The following MEMO1 variants were observed in gnomAD, a reference collection of about 807,000 sequenced individuals.
MEMO1 encodes the protein mediator of cell motility 1, also known as protein MEMO1.
Under a neutral mutation model 45.2 loss-of-function variants are expected in MEMO1, and 6 were observed. The observed-to-expected ratio is 0.13, with a 90% confidence interval of 0.07 to 0.26. The LOEUF (loss-of-function observed/expected upper bound fraction) is 0.26. MEMO1 is among the 10% of genes least tolerant of loss of function. The pLI is 1.00. For synonymous variants in MEMO1, 78 were observed against 124.3 expected, an observed-to-expected ratio of 0.63 and a Z score of 2.48; for missense variants, 184 against 370.5, an observed-to-expected ratio of 0.50 and a Z score of 4.13.
chr2:31,962,847 T>C (rs915374354), intron 2 of MEMO1, among the ~76,000 whole-genome samples: 3 of 152,190 alleles, frequency 2.0e-5, no homozygotes, highest in Non-Finnish European at 4.4e-5. Context: ...TTTTTCTGGA[T>C]GTATCTGTGA....
intron 2 of MEMO1, among the ~76,000 whole-genome samples, chr2:31,959,499 C>T (rs34372320): frequency 0.15 from 21,875 of 149,142 alleles, 1,659 homozygotes; most frequent in Middle Eastern, 0.21. Flanking sequence ...ACAATGAGAA[C>T]TGAAAAAAAA....
chr2:31,892,241 T>C (rs1677082753), intron 6 of MEMO1, 107 bp from the exon 7 acceptor site: 1 of 900,520 alleles, frequency 1.1e-6, no homozygotes. Context: ...GTGGTAAGGA[T>C]AACATATGTA....
rs544157214 is a variant in MEMO1, at chr2:31,942,709, A to G, written c.143+593T>C. Among the ~76,000 whole-genome samples the G allele has an allele frequency of 1.8e-3, 274 of 152,114 alleles. 1 individual carries two copies. The highest frequency in any genetic ancestry group is 6.0e-3 in the African/African-American group (247 of 41,512). On this transcript the variant is annotated intron_variant, in intron 3 of 9. Transcript: ENST00000404530. ...GCTAATTTTTGTATTTTTAGTAGAG[A>G]TGGAGTCTCACCATGTTGCCCAGGC... is the stretch of plus-strand genomic sequence containing the variant.
At chr2:31,924,432 G>A (rs1284987664) in intron 4 of MEMO1, among the ~76,000 whole-genome samples, 4 of 150,580 alleles carry the variant, frequency 2.7e-5, no homozygotes, top group Non-Finnish European at 4.4e-5. Flanking sequence ...GCACATCATC[G>A]GTGATACACA....
chr2:31,951,540 T>C (rs1666851025), intron 2 of MEMO1, among the ~76,000 whole-genome samples: 1 of 151,986 alleles, frequency 6.6e-6, no homozygotes, highest in Admixed American at 6.6e-5. Context: ...TTTATCTTTT[T>C]ATTTTTTATT....
Position 31,956,936 on chromosome 2 carries a change from G to C in MEMO1, c.62-13553C>G, listed in dbSNP as rs571682963. On this transcript the variant is annotated intron_variant, in intron 2 of 9. Transcript: ENST00000404530. Reference sequence around the variant, plus strand: ...AGGCAGGCAGATCACAAGGTCAGGAGATGGAGACCATCCTGGCCAACATGG... The same window carrying C: ...AGGCAGGCAGATCACAAGGTCAGGACATGGAGACCATCCTGGCCAACATGG... Among the ~76,000 whole-genome samples the C allele has an allele frequency of 2.0e-5, 3 of 152,256 alleles. No individual in the cohort carries two copies. The East Asian group carries it at 5.8e-4, about 29-fold the overall frequency.
intron 2 of MEMO1, among the ~76,000 whole-genome samples, chr2:31,996,550 A>G (rs1672645422): frequency 6.6e-6 from 1 of 152,208 alleles, no homozygotes. Flanking sequence ...TCTCAAAAAA[A>G]AAGGAAACTA....
intron 2 of MEMO1, among the ~76,000 whole-genome samples, chr2:31,960,271 A>G (rs1479100170): frequency 3.9e-5 from 6 of 152,186 alleles, no homozygotes. Flanking sequence ...TCCTGGAGCT[A>G]GCACTACAGT....
chr2:31,979,226 A>AC, intron 2 of MEMO1, among the ~76,000 whole-genome samples: 1 of 152,136 alleles, frequency 6.6e-6, no homozygotes, highest in Non-Finnish European at 1.5e-5. Context: ...AGGAAACCAG[A>AC]CCCATGATCC....
chr2:31,987,818 TG>T (rs1006926072), intron 2 of MEMO1, among the ~76,000 whole-genome samples: 3 of 152,084 alleles, frequency 2.0e-5, no homozygotes, highest in Non-Finnish European at 4.4e-5. Context: ...CCTTAGTGTA[TG>T]GTAAAAAAAG....
At chr2:31,911,226 C>T (rs1408746876) in intron 6 of MEMO1, among the ~76,000 whole-genome samples, 1 of 152,142 alleles carries the variant, frequency 6.6e-6, no homozygotes, top group African/African-American at 2.4e-5. Flanking sequence ...TCTAAAAAGA[C>T]ATGGAGGAAT....
intron 1 of MEMO1, among the ~76,000 whole-genome samples, chr2:32,010,726 G>T (rs1396859983): frequency 1.3e-5 from 2 of 149,206 alleles, no homozygotes; most frequent in African/African-American, 4.9e-5. Flanking sequence ...CCCCGGCAGG[G>T]CCCTCCAGCC....
intron 6 of MEMO1, among the ~76,000 whole-genome samples, chr2:31,902,020 T>C (rs1678911504): frequency 2.6e-5 from 4 of 152,026 alleles, no homozygotes; most frequent in Admixed American, 2.6e-4. Flanking sequence ...TGCTTGTAAG[T>C]CCCAGCTACT....
chr2:31,924,263 T>C (rs1162199133), intron 4 of MEMO1, among the ~76,000 whole-genome samples: 1 of 152,180 alleles, frequency 6.6e-6, no homozygotes. Context: ...TTAAAGTTCA[T>C]GCATTTTCTT....
chr2:31,943,409 GA>G (rs747938713), intron 2 of MEMO1, 26 bp from the exon 3 acceptor site: 2 of 1,566,924 alleles, frequency 1.3e-6, no homozygotes, highest in Non-Finnish European at 1.8e-6. Context: ...GACAAAATTA[GA>G]GTCAGCAAAG....
chr2:31,935,114 C>A (rs548663420), intron 3 of MEMO1, among the ~76,000 whole-genome samples: 1 of 152,234 alleles, frequency 6.6e-6, no homozygotes, highest in South Asian at 2.1e-4. Context: ...TTATTATTGT[C>A]ATTTTACAGA....
intron 2 of MEMO1, among the ~76,000 whole-genome samples, chr2:31,992,877 A>G (rs1050003535): frequency 6.6e-6 from 1 of 152,218 alleles, no homozygotes; most frequent in African/African-American, 2.4e-5. Context: ...AACACTAAAG[A>G]TAATAAATAT....
intron 8 of MEMO1, among the ~76,000 whole-genome samples, chr2:31,872,286 G>C (rs1034540525): frequency 3.9e-5 from 6 of 152,146 alleles, no homozygotes; most frequent in African/African-American, 7.2e-5. Context: ...ATGTACTAAA[G>C]TATAACAAGA....
intron 4 of MEMO1, among the ~76,000 whole-genome samples, chr2:31,930,299 G>T (rs1005160346): frequency 1.3e-5 from 2 of 152,024 alleles, no homozygotes; most frequent in Admixed American, 1.3e-4. Context: ...AAAATAATTC[G>T]ATCACATCAG....
Sources: gnomAD v4.1 joint callset for allele counts (sites outside exome capture counted in the v4.1 genomes callset) on GRCh38, gnomAD v4.1.1 for gene constraint, MANE v1.5 for transcripts, NCBI Gene and HGNC (gene_info 2026-07-23, HGNC 2026-07-21) for gene names.